CFAP54: variants seen among roughly 807,000 people sequenced by gnomAD.
CFAP54 encodes cilia- and flagella-associated protein 54.
A neutral mutation model predicts 370.4 loss-of-function variants in CFAP54; 290 were observed. The observed-to-expected ratio is 0.78, with a 90% CI of 0.71 to 0.86. The LOEUF (loss-of-function observed/expected upper bound fraction) is 0.86, where lower values mean the gene tolerates loss of function less well. Among genes scored for constraint, CFAP54 ranks in the 40% least tolerant of loss-of-function variants. The pLI is 0.00. For synonymous variants in CFAP54, 1,206 were observed against 1,236.5 expected (o/e 0.98, Z 0.52); for missense variants, 3,399 against 3,528.7 (o/e 0.96, Z 0.93).
At chr12:96,647,500 A>AAAAAAAAAAAAAC (rs1565927578) in intron 33 of CFAP54, among the ~76,000 whole-genome samples, 61 of 145,204 alleles carry the variant, frequency 4.2e-4, no homozygotes, top group East Asian at 1.3e-3. Flanking sequence ...AAAAAAAGAA[A>AAAAAAAAAAAAAC]TGCCATTGAT....
chr12:96,514,755 C>T (rs769084940), intron 5 of CFAP54, among the ~76,000 whole-genome samples: 60 of 152,190 alleles, frequency 3.9e-4, no homozygotes, highest in Non-Finnish European at 7.8e-4. Context: ...TTCTCTGCCT[C>T]ATATACCTTG....
At chr12:96,647,377 G>A (rs992470733) in intron 33 of CFAP54, among the ~76,000 whole-genome samples, 2 of 147,802 alleles carry the variant, frequency 1.4e-5, no homozygotes, top group African/African-American at 5.0e-5. Flanking sequence ...GGAGTCTGAG[G>A]CAGGAGAATG....
chr12:96,849,859 C>T (rs764488085), intron 66 of CFAP54, among the ~76,000 whole-genome samples: 1 of 152,110 alleles, frequency 6.6e-6, no homozygotes, highest in Non-Finnish European at 1.5e-5. Context: ...CAAGTGTAAC[C>T]TAGTTGAACT....
chr12:96,801,412 C>A (rs1175022214), intron 63 of CFAP54, among the ~76,000 whole-genome samples: 2 of 152,136 alleles, frequency 1.3e-5, no homozygotes, highest in African/African-American at 4.8e-5. Flanking sequence ...ATTTCAAAAT[C>A]TTATACGGAG....
rs1244072771 is a variant in CFAP54, at chr12:96,489,667, T to G, written c.58T>G (p.Ser20Ala). 8.5e-6 allele frequency: 13 copies of G among 1,534,816 alleles called. No individual in the cohort carries two copies. Among genetic ancestry groups the G allele is most frequent in the Non-Finnish European group, 1.0e-5 (12 of 1,146,240 alleles). ...SPSDDSTTSG[S>A]LPELPPTSTA... ...GTCAGACGACTCTACCACCTCGGGG[T>G]CTCTGCCAGAACTGCCGCCGACCTC... Residue 20 changes from serine to alanine, a missense_variant, in exon 1 of 68, where the codon TCT becomes GCT. Physicochemically the swap from Ser to Ala is moderately conservative, Grantham distance 99. Transcript: ENST00000524981.
intron 55 of CFAP54, 59 bp from the exon 56 acceptor site, chr12:96,753,684 G>A: frequency 3.3e-6 from 5 of 1,529,558 alleles, no homozygotes; most frequent in Non-Finnish European, 4.5e-6. Flanking sequence ...TAACTTGGAG[G>A]CTTGTTATAA....
At chr12:96,533,604 C>T (rs1289143453) in intron 9 of CFAP54, among the ~76,000 whole-genome samples, 188 bp from the exon 10 acceptor site, 1 of 152,106 alleles carries the variant, frequency 6.6e-6, no homozygotes, top group African/African-American at 2.4e-5. Context: ...TGTTGGATGC[C>T]CTTCCTATTT....
intron 28 of CFAP54, among the ~76,000 whole-genome samples, chr12:96,624,400 T>G (rs1956530009): frequency 6.6e-6 from 1 of 152,170 alleles, no homozygotes; most frequent in South Asian, 2.1e-4. Flanking sequence ...GTGTGAGTGT[T>G]GTTAATGTGT....
chr12:96,786,621 A>T, intron 61 of CFAP54, 54 bp from the exon 62 acceptor site: 1 of 1,283,152 alleles, frequency 7.8e-7, no homozygotes, highest in Non-Finnish European at 1.1e-6. Flanking sequence ...AGCAATATTG[A>T]GATCATCCCG....
chr12:96,827,101 TTA>T (rs1279090302), intron 65 of CFAP54, among the ~76,000 whole-genome samples: 16 of 122,016 alleles, frequency 1.3e-4, no homozygotes, highest in Non-Finnish European at 4.9e-5. Flanking sequence ...TAATGTGCAA[TTA>T]TATGTGATTA....
intron 63 of CFAP54, among the ~76,000 whole-genome samples, chr12:96,806,835 G>A (rs1180623816): frequency 6.6e-6 from 1 of 152,088 alleles, no homozygotes; most frequent in Non-Finnish European, 1.5e-5. Flanking sequence ...GCTGTTTAAG[G>A]GAGATAGGGA....
At chr12:96,836,710 A>G (rs1428944631) in intron 66 of CFAP54, among the ~76,000 whole-genome samples, 1 of 152,240 alleles carries the variant, frequency 6.6e-6, no homozygotes, top group African/African-American at 2.4e-5. Context: ...AAAATCCTTA[A>G]TAATGGTTAA....
At chr12:96,566,690 G>A (rs941293361) in intron 19 of CFAP54, among the ~76,000 whole-genome samples, 2 of 152,110 alleles carry the variant, frequency 1.3e-5, no homozygotes, top group Admixed American at 1.3e-4. Flanking sequence ...GGTGTTTGAG[G>A]TTAGAAAGTA....
intron 65 of CFAP54, among the ~76,000 whole-genome samples, chr12:96,826,618 GAT>G (rs1421250235): frequency 4.0e-5 from 4 of 100,238 alleles, no homozygotes; most frequent in Non-Finnish European, 5.3e-5. Flanking sequence ...AATATATCAT[GAT>G]ATATGTTATA....
intron 55 of CFAP54, among the ~76,000 whole-genome samples, chr12:96,753,536 GA>G (rs78737689): frequency 0.051 from 7,797 of 152,132 alleles, 661 homozygotes; most frequent in East Asian, 0.44. Context: ...ATGTATCAAA[GA>G]AAAAATTTCA....
At chr12:96,629,501 G>A (rs1252128231) in intron 30 of CFAP54, among the ~76,000 whole-genome samples, 3 of 150,298 alleles carry the variant, frequency 2.0e-5, no homozygotes, top group South Asian at 4.2e-4. Context: ...TTTTAGTAGA[G>A]ACAGGGTTTC....
chr12:96,820,953 A>G (rs1959025800), intron 65 of CFAP54, among the ~76,000 whole-genome samples: 1 of 152,160 alleles, frequency 6.6e-6, no homozygotes, highest in African/African-American at 2.4e-5. Flanking sequence ...TCATATATGG[A>G]AAATGATTAT....
intron 63 of CFAP54, among the ~76,000 whole-genome samples, chr12:96,801,373 C>T (rs532943855): frequency 4.0e-4 from 61 of 152,294 alleles, no homozygotes; most frequent in African/African-American, 1.4e-3. Flanking sequence ...TTCATTGGAA[C>T]TTTGTACAAA....
At chr12:96,863,754 CT>C (rs1419864947) in intron 67 of CFAP54, among the ~76,000 whole-genome samples, 1 of 152,038 alleles carries the variant, frequency 6.6e-6, no homozygotes, top group African/African-American at 2.4e-5. Context: ...CTGGTTTCCT[CT>C]GGGGAAGGCA....
Sources: gnomAD v4.1 joint callset for allele counts (sites outside exome capture counted in the v4.1 genomes callset) on GRCh38, gnomAD v4.1.1 for gene constraint, MANE v1.5 for transcripts, NCBI Gene and HGNC (gene_info 2026-07-23, HGNC 2026-07-21) for gene names.